The following UCP1 variants were observed in gnomAD, a reference collection of about 807,000 sequenced individuals.
UCP1 encodes the protein uncoupling protein 1, also known as mitochondrial brown fat uncoupling protein 1.
In UCP1, 24 loss-of-function variants were observed where a neutral mutation model predicts 26.2. The ratio of observed to expected loss-of-function variants is 0.92; its 90% CI spans 0.66 to 1.29. The LOEUF (loss-of-function observed/expected upper bound fraction) is 1.29. Ranked by LOEUF, UCP1 falls within the 50% of genes most tolerant of loss-of-function variation. The pLI is 0.00. For synonymous variants in UCP1, 164 were observed against 156.8 expected (o/e 1.05, Z -0.34); for missense variants, 402 against 388.7 (o/e 1.03, Z -0.29).
chr4:140,563,618 T>G, intron 2 of UCP1, 100 bp from the exon 3 acceptor site: 2 of 1,233,704 alleles, frequency 1.6e-6, no homozygotes, highest in Non-Finnish European at 2.2e-6. Flanking sequence ...TGTATTTTTT[T>G]TTTTTTTGAG....
chr4:140,562,608 G>A (rs1266294074), intron 4 of UCP1, among the ~76,000 whole-genome samples: 1 of 152,084 alleles, frequency 6.6e-6, no homozygotes, highest in Non-Finnish European at 1.5e-5. Flanking sequence ...TGCCTTTAAG[G>A]CCTGTAATAA....
At chr4:140,561,550 G>A (rs1271255356) in intron 5 of UCP1, among the ~76,000 whole-genome samples, 3 of 152,020 alleles carry the variant, frequency 2.0e-5, no homozygotes, top group Admixed American at 6.6e-5. Context: ...ACAGGGTCTC[G>A]CTTTGTTGCC....
rs1308245481 is a variant in UCP1 at position 140,559,435 on chromosome 4, A to G, written c.*461T>C. On this transcript the variant is annotated 3_prime_UTR_variant, in exon 6 of 6. Transcript: ENST00000262999. ...TATAGATCTCAAAAGACAAACTTTA[A>G]AAGGTATTAGCAATACTTTATTGAA... The G allele has an allele frequency of 1.2e-5, 2 of 166,466 alleles. No homozygotes were observed. Among genetic ancestry groups the G allele is most frequent in the African/African-American group, 4.8e-5 (2 of 41,510 alleles). 10.3% of individuals were successfully genotyped at this position (166,466 alleles called of 1,614,324 possible).
chr4:140,565,217 A>C (rs1011009233), intron 2 of UCP1, among the ~76,000 whole-genome samples: 2 of 152,066 alleles, frequency 1.3e-5, no homozygotes, highest in African/African-American at 2.4e-5. Context: ...GCTTCTATAC[A>C]TCCTCTCTCA....
chr4:140,567,975 G>C lies in UCP1; in HGVS notation c.129C>G (p.Val43=). Residue 43 remains valine (V), a splice_region_variant and synonymous_variant, in exon 2 of 6, where the codon GTC becomes GTG. Transcript: ENST00000262999. ...CACTGGACGTCGGGCATTCACCTTG[G>C]ACCTGGAAATAAGAAAGGTGCAGAA... ...PLDTAKVRLQ[V]QGECPTSSVI... is the part of the protein sequence containing the mutation. 1.2e-6 allele frequency: 2 copies of C among 1,614,124 alleles called. No homozygotes were observed. Among genetic ancestry groups the C allele is most frequent in the South Asian group, 2.2e-5 (2 of 91,072 alleles).
At chr4:140,564,958 C>A (rs999247242) in intron 2 of UCP1, among the ~76,000 whole-genome samples, 1 of 152,140 alleles carries the variant, frequency 6.6e-6, no homozygotes, top group African/African-American at 2.4e-5. Context: ...GCTTATACCA[C>A]GCTACTCTGC....
Position 140,559,549 on chromosome 4 carries a change from C to A in UCP1, c.*347G>T. The A allele has an allele frequency of 4.8e-6, 1 of 209,878 alleles. No individual in the cohort carries two copies. Among genetic ancestry groups the A allele is most frequent in the Non-Finnish European group, 9.5e-6 (1 of 105,416 alleles). The allele number at this position is 209,878 out of a possible 1,614,324, so 13.0% of individuals were successfully genotyped here. On this transcript the variant is annotated 3_prime_UTR_variant, in exon 6 of 6. Transcript: ENST00000262999. Reference sequence around the variant, plus strand: ...TTATAAATATAAACTGCATTTCACTCAGTTTCTTTTCCACCAGTTGGAATT... The same window carrying A: ...TTATAAATATAAACTGCATTTCACTAAGTTTCTTTTCCACCAGTTGGAATT...
chr4:140,567,771 C>A lies in UCP1; in HGVS notation c.325+8G>T. On this transcript the variant is annotated splice_region_variant and intron_variant, in intron 2 of 5. Coordinates refer to ENST00000262999, the MANE Select transcript of UCP1 (RefSeq NM_021833.5). ...TTTCTGCCCCTCCCAGGAACGCTCA[C>A]GGCTTACTTTCTTTCCCTGCGGTGA... 1.2e-6 allele frequency: 2 copies of A among 1,613,810 alleles called. No individual in the cohort carries two copies. Among genetic ancestry groups the A allele is most frequent in the South Asian group, 1.1e-5 (1 of 91,062 alleles).
At chr4:140,566,225 A>G (rs1735791394) in intron 2 of UCP1, among the ~76,000 whole-genome samples, 1 of 152,184 alleles carries the variant, frequency 6.6e-6, no homozygotes, top group Non-Finnish European at 1.5e-5. Context: ...GTATCATGGA[A>G]TATAGTCATC....
chr4:140,567,825 G>A lies in UCP1; in HGVS notation c.279C>T (p.Ile93=), dbSNP rs1443470045. ...ACTCCTGGACCGTGTCGTAGAGGCCGATCCTGAGAGAGGCGGAGCTGATTT... is the reference window on the plus strand; with the variant it reads ...ACTCCTGGACCGTGTCGTAGAGGCCAATCCTGAGAGAGGCGGAGCTGATTT... The part of the protein sequence containing the change: ...QRQISSASLR[I]GLYDTVQEFL... Residue 93 remains isoleucine, a synonymous_variant, in exon 2 of 6, where the codon ATC becomes ATT. Transcript: ENST00000262999. The A allele has an allele frequency of 1.9e-6, 3 of 1,614,134 alleles. No homozygotes were observed. Among genetic ancestry groups the A allele is most frequent in the Non-Finnish European group, 2.5e-6 (3 of 1,180,032 alleles).
At chr4:140,562,412 T>TG in intron 4 of UCP1, 39 bp from the exon 5 acceptor site, 1 of 1,608,982 alleles carries the variant, frequency 6.2e-7, no homozygotes, top group Non-Finnish European at 8.5e-7. Context: ...ATCAGACTTT[T>TG]GGGGGCTTGC....
rs1735712701 is a variant in UCP1 at position 140,563,035 on chromosome 4, A to G, written c.628+75T>C. On this transcript the variant is annotated intron_variant, in intron 4 of 5. Coordinates refer to ENST00000262999, the MANE Select transcript of UCP1 (RefSeq NM_021833.5). ...AACTATTGGAGTTAAGAGATTGAGT[A>G]TAAGGTGGCTGCAGAAGCTCCAAGA... The G allele has an allele frequency of 3.5e-6, 4 of 1,126,876 alleles. No homozygotes were observed. In the Admixed American group the frequency reaches 5.1e-5, roughly 14 times the overall value. 69.8% of individuals were successfully genotyped at this position (1,126,876 alleles called of 1,614,324 possible). A position where few individuals can be genotyped will look rare whatever the true frequency, so the allele number is the denominator to read the frequency against.
chr4:140,564,255 A>C (rs771002748), intron 2 of UCP1, among the ~76,000 whole-genome samples: 2 of 152,208 alleles, frequency 1.3e-5, no homozygotes, highest in Non-Finnish European at 1.5e-5. Context: ...AAACTGCACC[A>C]AAATGGGCCA....
chr4:140,568,033 C>G, intron 1 of UCP1, 56 bp from the exon 2 acceptor site: 1 of 1,577,530 alleles, frequency 6.3e-7, no homozygotes, highest in Non-Finnish European at 8.7e-7. Flanking sequence ...CACTCTTAAG[C>G]CAAGATTTCC....
intron 2 of UCP1, among the ~76,000 whole-genome samples, chr4:140,566,158 T>C (rs1285569863): frequency 6.6e-6 from 1 of 152,162 alleles, no homozygotes; most frequent in Non-Finnish European, 1.5e-5. Context: ...TCCTAACTCA[T>C]TTCTGAGAAT....
In UCP1 at chr4:140,560,711, T is replaced by G. The variant is rs1447978962; in HGVS notation, c.810-701A>C. Among the ~76,000 whole-genome samples, 3 of 151,554 alleles carry G rather than the reference T, an allele frequency of 2.0e-5. No individual in the cohort carries two copies. In the East Asian group the frequency reaches 5.8e-4, roughly 29 times the overall value. ...TTTTTTTCCTTCAAGTCTCTTAACA[T>G]GTTTCTCTTCACTTCCCAATGTGGG... On this transcript the variant is annotated intron_variant, in intron 5 of 5. Transcript: ENST00000262999.
intron 5 of UCP1, 149 bp from the exon 6 acceptor site, chr4:140,560,159 C>A: frequency 2.9e-6 from 2 of 680,542 alleles, no homozygotes; most frequent in Non-Finnish European, 2.6e-6. Flanking sequence ...CTTAAGTGAT[C>A]CTCCCACCTG....
At chr4:140,562,824 T>G (rs1288882608) in intron 4 of UCP1, among the ~76,000 whole-genome samples, 1 of 152,148 alleles carries the variant, frequency 6.6e-6, no homozygotes, top group Non-Finnish European at 1.5e-5. Flanking sequence ...GTATAAAGAA[T>G]AAGATTCTAA....
At chr4:140,562,144 G>A in intron 5 of UCP1, 49 bp downstream of exon 5, 1 of 1,606,876 alleles carries the variant, frequency 6.2e-7, no homozygotes. Flanking sequence ...GTGTCCCAAA[G>A]CACACAGACA....
Sources: gnomAD v4.1 joint callset for allele counts (sites outside exome capture counted in the v4.1 genomes callset) on GRCh38, gnomAD v4.1.1 for gene constraint, MANE v1.5 for transcripts, NCBI Gene and HGNC (gene_info 2026-07-23, HGNC 2026-07-21) for gene names.